VMP1: variants seen among roughly 807,000 people sequenced by gnomAD.
VMP1 encodes the protein vacuole membrane protein 1.
A neutral mutation model predicts 56.0 loss-of-function variants in VMP1; 11 were observed. That is an observed-to-expected ratio of 0.20 (90% confidence interval 0.12 to 0.32). The LOEUF (loss-of-function observed/expected upper bound fraction) is 0.32. VMP1 is among the 10% of genes least tolerant of loss of function. VMP1 has a pLI of 1.00. For missense variants in VMP1, 296 were observed against 490.3 expected (o/e 0.60, Z 3.74); for synonymous variants, 149 against 165.0 (o/e 0.90, Z 0.74).
At chr17:59,725,424 A>G (rs1457467082) in intron 1 of VMP1, among the ~76,000 whole-genome samples, 1 of 152,192 alleles carries the variant, frequency 6.6e-6, no homozygotes, top group African/African-American at 2.4e-5. Context: ...AATCCTTTAG[A>G]AAATGGTTAA....
chr17:59,751,744 CAAAAAAA>C (rs932086949), intron 5 of VMP1, among the ~76,000 whole-genome samples: 505 of 42,572 alleles, frequency 0.012, 23 homozygotes, highest in Admixed American at 0.096. Flanking sequence ...AACTCCGTCT[CAAAAAAA>C]AAAAAAAAAA....
intron 5 of VMP1, among the ~76,000 whole-genome samples, chr17:59,752,076 G>C (rs1450714300): frequency 1.3e-5 from 2 of 152,118 alleles, no homozygotes; most frequent in Non-Finnish European, 2.9e-5. Flanking sequence ...GCCTCCTAAA[G>C]TGCCGGGATT....
intron 7 of VMP1, among the ~76,000 whole-genome samples, chr17:59,805,293 T>C (rs2037807790): frequency 6.6e-6 from 1 of 152,198 alleles, no homozygotes; most frequent in African/African-American, 2.4e-5. Context: ...GCAAAGATAC[T>C]CTTCCCTAAA....
At chr17:59,765,967 T>C (rs1424718494) in intron 6 of VMP1, among the ~76,000 whole-genome samples, 1 of 151,834 alleles carries the variant, frequency 6.6e-6, no homozygotes, top group Non-Finnish European at 1.5e-5. Context: ...TATATAAATA[T>C]TAGATTGGTA....
intron 7 of VMP1, among the ~76,000 whole-genome samples, chr17:59,794,106 G>A (rs1394452056): frequency 6.7e-6 from 1 of 149,656 alleles, no homozygotes; most frequent in African/African-American, 2.5e-5. Flanking sequence ...ATTTTTAGTA[G>A]AGACAGGGTT....
At chr17:59,744,182 C>G (rs994885763) in intron 5 of VMP1, among the ~76,000 whole-genome samples, 1 of 151,550 alleles carries the variant, frequency 6.6e-6, no homozygotes, top group Non-Finnish European at 1.5e-5. Flanking sequence ...AATATTTGAC[C>G]AGGCGCGGTG....
chr17:59,714,724 C>T (rs771786482), intron 1 of VMP1, among the ~76,000 whole-genome samples: 48 of 152,088 alleles, frequency 3.2e-4, no homozygotes, highest in Non-Finnish European at 6.0e-4. Flanking sequence ...TGTTAGATTG[C>T]AGTGGCACGA....
chr17:59,743,641 T>C (rs758562925), intron 5 of VMP1, among the ~76,000 whole-genome samples: 2 of 150,158 alleles, frequency 1.3e-5, no homozygotes, highest in Non-Finnish European at 3.0e-5. Flanking sequence ...TAAATACATA[T>C]ATTTTCTGAT....
intron 10 of VMP1, among the ~76,000 whole-genome samples, chr17:59,830,821 T>C (rs944894859): frequency 6.6e-6 from 1 of 152,206 alleles, no homozygotes; most frequent in African/African-American, 2.4e-5. Flanking sequence ...GGTGAATCAA[T>C]CTTTTTTGTT....
At chr17:59,803,362 G>A (rs975905943) in intron 7 of VMP1, among the ~76,000 whole-genome samples, 2 of 152,180 alleles carry the variant, frequency 1.3e-5, no homozygotes, top group Admixed American at 6.5e-5. Context: ...TATTAGTCTT[G>A]TAGTGCTTGG....
At chr17:59,797,692 T>C (rs1598408551) in intron 7 of VMP1, among the ~76,000 whole-genome samples, 1 of 152,128 alleles carries the variant, frequency 6.6e-6, no homozygotes, top group South Asian at 2.1e-4. Context: ...GCCTGACCAA[T>C]GTGGTGAAAC....
At chr17:59,724,648 C>T (rs535257870) in intron 1 of VMP1, among the ~76,000 whole-genome samples, 14 of 150,724 alleles carry the variant, frequency 9.3e-5, no homozygotes, top group African/African-American at 2.4e-4. Context: ...CGCCAGCCTT[C>T]GTAACAGAGT....
chr17:59,770,742 G>A (rs1309699917), intron 6 of VMP1, among the ~76,000 whole-genome samples: 4 of 151,644 alleles, frequency 2.6e-5, no homozygotes, highest in Non-Finnish European at 4.4e-5. Context: ...CACCATACCC[G>A]GCTAATTTTT....
At chr17:59,772,204 T>A (rs1301478369) in intron 6 of VMP1, among the ~76,000 whole-genome samples, 7 of 151,656 alleles carry the variant, frequency 4.6e-5, no homozygotes, top group African/African-American at 7.3e-5. Context: ...TTGCCGAGGC[T>A]GGTCTCAAAC....
chr17:59,779,366 C>A (rs1598382607), intron 7 of VMP1, among the ~76,000 whole-genome samples: 1 of 152,202 alleles, frequency 6.6e-6, no homozygotes, highest in Non-Finnish European at 1.5e-5. Flanking sequence ...AGAGACTTGC[C>A]TGGCTGTGCT....
chr17:59,725,827 T>G (rs775534237), intron 1 of VMP1, among the ~76,000 whole-genome samples: 4 of 152,236 alleles, frequency 2.6e-5, no homozygotes, highest in Non-Finnish European at 4.4e-5. Context: ...TATGCTGTTC[T>G]TTTTTAGCAC....
chr17:59,779,889 A>G (rs1309215304), intron 7 of VMP1, among the ~76,000 whole-genome samples: 4 of 152,218 alleles, frequency 2.6e-5, no homozygotes, highest in African/African-American at 9.6e-5. Flanking sequence ...GCCATCTAAA[A>G]GCTCAGTTCC....
At chr17:59,770,400 AT>A (rs1409600105) in intron 6 of VMP1, among the ~76,000 whole-genome samples, 61 of 152,192 alleles carry the variant, frequency 4.0e-4, no homozygotes, top group Non-Finnish European at 6.3e-4. Context: ...ATATTGTTGT[AT>A]CTATACCCTT....
At chr17:59,779,139 C>T (rs931215696) in intron 7 of VMP1, among the ~76,000 whole-genome samples, 18 of 152,172 alleles carry the variant, frequency 1.2e-4, no homozygotes, top group Non-Finnish European at 2.6e-4. Context: ...ACACGTCACC[C>T]GTTGTAAGTC....
Sources: gnomAD v4.1 joint callset for allele counts (sites outside exome capture counted in the v4.1 genomes callset) on GRCh38, gnomAD v4.1.1 for gene constraint, MANE v1.5 for transcripts, NCBI Gene and HGNC (gene_info 2026-07-23, HGNC 2026-07-21) for gene names.